The following RBFOX1 variants were observed in gnomAD, a reference collection of about 807,000 sequenced individuals.
RBFOX1 encodes the protein RNA binding protein fox-1 homolog 1.
RBFOX1 carries 8 observed loss-of-function variants against 57.7 expected under a neutral mutation model. The observed-to-expected ratio is 0.14, with a 90% CI of 0.08 to 0.25. The LOEUF is 0.25. Ranked by LOEUF, RBFOX1 falls within the 10% of genes least tolerant of loss-of-function variation. The pLI, the probability that RBFOX1 is intolerant of heterozygous loss-of-function variation, is 1.00. For missense variants in RBFOX1, 611 were observed against 548.5 expected (o/e 1.11, Z -1.14); for synonymous variants, 326 against 222.4 (o/e 1.47, Z -4.15).
intron 4 of RBFOX1, among the ~76,000 whole-genome samples, chr16:7,517,904 ACTTTAT>A (rs1233633400): frequency 3.3e-5 from 5 of 151,196 alleles, no homozygotes; most frequent in Admixed American, 2.6e-4. Context: ...GGAAAAAGCG[ACTTTAT>A]CTTTATCTTT....
rs572019363 is a variant in RBFOX1, at chr16:6,915,026, G to A, written c.-15-137031G>A. On this transcript the variant is annotated intron_variant, in intron 3 of 15. Transcript: ENST00000550418. ...AAGCAGGCCCAGGGTGGTGTAAGTC[G>A]GCTTTGCTCATCCGTAGATGAAGGA... Among the ~76,000 whole-genome samples the A allele has an allele frequency of 9.2e-5, 14 of 152,276 alleles. No individual in the cohort carries two copies. The South Asian group carries it at 2.9e-3, about 32-fold the overall frequency.
chr16:6,227,141 T>C (rs868130669), intron 1 of RBFOX1, among the ~76,000 whole-genome samples: 1 of 151,434 alleles, frequency 6.6e-6, no homozygotes, highest in Non-Finnish European at 1.5e-5. Flanking sequence ...AAAAAAGTAA[T>C]ATTATTATTA....
At chr16:7,617,051 G>C (rs1596563313) in intron 10 of RBFOX1, among the ~76,000 whole-genome samples, 1 of 152,074 alleles carries the variant, frequency 6.6e-6, no homozygotes, top group Non-Finnish European at 1.5e-5. Context: ...GTAGTAGTGA[G>C]GATGATGATG....
rs190484834 is a variant in RBFOX1 at position 7,333,620 on chromosome 16, C to G, written c.28-184527C>G. Among the ~76,000 whole-genome samples, 100 of 152,256 alleles carry G rather than the reference C, an allele frequency of 6.6e-4. 1 individual carries two copies. The East Asian group carries it at 0.018, about 27-fold the overall frequency. ...CTCTATTGATGGGTAATTTATGAAG[C>G]TCAGAGATTATTCTAGGAATCCCTT... is the stretch of plus-strand genomic sequence containing the variant. On this transcript the variant is annotated intron_variant, in intron 4 of 15. Coordinates refer to ENST00000550418, the MANE Select transcript of RBFOX1 (RefSeq NM_018723.4).
intron 4 of RBFOX1, among the ~76,000 whole-genome samples, chr16:7,353,691 G>T (rs956217091): frequency 6.6e-6 from 1 of 152,196 alleles, no homozygotes; most frequent in Non-Finnish European, 1.5e-5. Context: ...TACTAAGTGA[G>T]TGAAGTCAGA....
At chr16:6,974,760 G>C (rs951518699) in intron 3 of RBFOX1, among the ~76,000 whole-genome samples, 1 of 152,016 alleles carries the variant, frequency 6.6e-6, no homozygotes, top group African/African-American at 2.4e-5. Context: ...CCAGAGGCAG[G>C]CACCAGAAAA....
chr16:7,052,687 T>C (rs556043908), intron 4 of RBFOX1, among the ~76,000 whole-genome samples: 3 of 152,202 alleles, frequency 2.0e-5, no homozygotes, highest in African/African-American at 4.8e-5. Context: ...ATTCCCTAGA[T>C]GTGCAGGGAG....
chr16:6,729,948 T>C (rs1395384917), intron 3 of RBFOX1, among the ~76,000 whole-genome samples: 1 of 151,966 alleles, frequency 6.6e-6, no homozygotes, highest in East Asian at 1.9e-4. Flanking sequence ...AGATAATGGC[T>C]GATCAAAAAC....
At chr16:7,081,273 G>C (rs906045520) in intron 4 of RBFOX1, among the ~76,000 whole-genome samples, 2 of 152,220 alleles carry the variant, frequency 1.3e-5, no homozygotes, top group Non-Finnish European at 2.9e-5. Flanking sequence ...GACCTCAAGT[G>C]ATCCACCAGC....
At chr16:6,727,497 C>T (rs544045166) in intron 3 of RBFOX1, among the ~76,000 whole-genome samples, 34 of 152,022 alleles carry the variant, frequency 2.2e-4, no homozygotes, top group South Asian at 1.7e-3. Context: ...CTGGATTATA[C>T]GCAAATTGTA....
intron 4 of RBFOX1, among the ~76,000 whole-genome samples, chr16:7,416,203 A>G (rs764099548): frequency 6.6e-6 from 1 of 152,204 alleles, no homozygotes; most frequent in Non-Finnish European, 1.5e-5. Context: ...GACAGATTCA[A>G]TAAAAGGAAA....
chr16:5,639,625 C>G lies in RBFOX1; in HGVS notation c.318+40664C>G, dbSNP rs115506892. 5.2e-3 allele frequency among the ~76,000 whole-genome samples: 796 copies of G among 152,312 alleles called. 6 individuals are homozygous for G. Among genetic ancestry groups the G allele is most frequent in the African/African-American group, 0.018 (761 of 41,564 alleles). On this transcript the variant is annotated intron_variant, in intron 3 of 19. Coordinates refer to the RBFOX1 transcript ENST00000641259. ...AACATCAAGTGGCAGGGTCAGCATG[C>G]ATTCATCATCACTGTAGTGCTGCTG...
intron 3 of RBFOX1, among the ~76,000 whole-genome samples, chr16:6,685,931 T>C (rs2059378867): frequency 6.6e-6 from 1 of 152,212 alleles, no homozygotes; most frequent in Admixed American, 6.5e-5. Flanking sequence ...TTTAAAAAGC[T>C]TTTATTTTTG....
intron 3 of RBFOX1, among the ~76,000 whole-genome samples, chr16:5,815,527 C>T (rs1468105022): frequency 1.3e-5 from 2 of 152,010 alleles, no homozygotes; most frequent in Admixed American, 1.3e-4. Context: ...GTCCAAATTC[C>T]GTTTGGACCC....
intron 3 of RBFOX1, among the ~76,000 whole-genome samples, chr16:5,757,818 G>T (rs2053453453): frequency 6.6e-6 from 1 of 152,194 alleles, no homozygotes; most frequent in Non-Finnish European, 1.5e-5. Flanking sequence ...CTTGTCATCT[G>T]TCTGATTTCT....
chr16:6,208,004 G>C (rs992845577), intron 1 of RBFOX1, among the ~76,000 whole-genome samples: 2 of 151,872 alleles, frequency 1.3e-5, no homozygotes, highest in Non-Finnish European at 2.9e-5. Flanking sequence ...ATTTTTATGT[G>C]TGTATATGTG....
intron 3 of RBFOX1, among the ~76,000 whole-genome samples, chr16:5,823,100 C>T (rs1409889374): frequency 2.6e-5 from 4 of 152,118 alleles, no homozygotes; most frequent in African/African-American, 4.8e-5. Context: ...TCCCTCTTAG[C>T]GTATTAAACC....
At chr16:7,026,087 C>T (rs1597357118) in intron 3 of RBFOX1, among the ~76,000 whole-genome samples, 1 of 152,226 alleles carries the variant, frequency 6.6e-6, no homozygotes, top group Non-Finnish European at 1.5e-5. Flanking sequence ...GGGGTGCTTG[C>T]TATGTGGGCA....
intron 1 of RBFOX1, among the ~76,000 whole-genome samples, chr16:6,184,882 A>C (rs2097095237): frequency 6.6e-6 from 1 of 152,128 alleles, no homozygotes; most frequent in Non-Finnish European, 1.5e-5. Flanking sequence ...CAGGAATTTA[A>C]GCTTGAGCAT....
Sources: allele counts gnomAD v4.1 joint callset (sites outside exome capture counted in the v4.1 genomes callset), GRCh38; gene constraint gnomAD v4.1.1; transcripts MANE v1.5; gene names NCBI Gene and HGNC (gene_info 2026-07-23, HGNC 2026-07-21).